The following CLDN10 variants were observed in gnomAD, a reference collection of about 807,000 sequenced individuals.
The protein encoded by CLDN10 is claudin 10.
In CLDN10, 15 loss-of-function variants were observed where a neutral mutation model predicts 22.9. The observed-to-expected ratio is 0.65, with a 90% CI of 0.44 to 1.01. The LOEUF is 1.01. Among genes scored for constraint, CLDN10 ranks in the 50% least tolerant of loss-of-function variants. The probability of loss-of-function intolerance (pLI) is 0.00; values close to 1 mark genes in which losing one functional copy is unlikely to be tolerated. For synonymous variants in CLDN10, 114 were observed against 111.4 expected, an observed-to-expected ratio of 1.02 and a Z score of -0.15; for missense variants, 247 against 287.8, an observed-to-expected ratio of 0.86 and a Z score of 1.03.
intron 1 of CLDN10, among the ~76,000 whole-genome samples, chr13:95,438,386 T>C (rs1594518009): frequency 6.6e-6 from 1 of 152,242 alleles, no homozygotes; most frequent in East Asian, 1.9e-4. Context: ...ATTACAGGCA[T>C]GGGCCATCGT....
chr13:95,548,351 G>A (rs2043531136), upstream of CLDN10, among the ~76,000 whole-genome samples: 2 of 152,166 alleles, frequency 1.3e-5, no homozygotes, highest in Admixed American at 6.5e-5. Flanking sequence ...TCAAATGAAT[G>A]CATGAAAAAC....
In CLDN10 at chr13:95,463,285, AATATATATATATATATATATATATATAT is replaced by A. The variant is rs200962205; in HGVS notation, c.214+29251_214+29278del. On this transcript the variant is annotated intron_variant, in intron 1 of 4. Transcript: ENST00000376873. ...AGTTGAGTCAAAAGTGCAAATGCTT[AATATATATATATATATATATATATATAT>A]ATATATATATATTTGCCTTTTTTTT... Among the ~76,000 whole-genome samples, 15 of 40,098 alleles carry A rather than the reference AATATATATATATATATATATATATATAT, an allele frequency of 3.7e-4. 1 individual carries two copies. Among genetic ancestry groups the A allele is most frequent in the African/African-American group, 9.9e-4 (13 of 13,184 alleles). 26.3% of individuals were successfully genotyped at this position (40,098 alleles called of 152,430 possible).
intron 1 of CLDN10, among the ~76,000 whole-genome samples, chr13:95,483,540 C>G (rs1386593617): frequency 6.6e-6 from 1 of 152,062 alleles, no homozygotes; most frequent in Non-Finnish European, 1.5e-5. Context: ...AGGTTGTATC[C>G]CCAGAAACCA....
chr13:95,505,638 G>T (rs1359169059), intron 1 of CLDN10, among the ~76,000 whole-genome samples: 2 of 152,044 alleles, frequency 1.3e-5, no homozygotes, highest in East Asian at 3.9e-4. Flanking sequence ...CAGGTAAAAT[G>T]AACTAAGGAG....
rs2042410995 is a variant in CLDN10 at position 95,449,331 on chromosome 13, A to C, written c.214+15284A>C. On this transcript the variant is annotated intron_variant, in intron 1 of 4. Transcript: ENST00000376873. ...CAGTGGCGCAACCTCGGCTCACTGC[A>C]AACTTCATCTCCCAGGTTCAAGTGA... Among the ~76,000 whole-genome samples the C allele has an allele frequency of 2.0e-5, 3 of 152,192 alleles. No individual in the cohort carries two copies. In the South Asian group the frequency reaches 6.2e-4, roughly 32 times the overall value.
intron 1 of CLDN10, among the ~76,000 whole-genome samples, chr13:95,485,033 A>C (rs2042790852): frequency 6.6e-6 from 1 of 152,088 alleles, no homozygotes; most frequent in South Asian, 2.1e-4. Context: ...ATCCAAGCCT[A>C]GACAGATGAG....
intron 1 of CLDN10, among the ~76,000 whole-genome samples, chr13:95,527,752 AAAAT>A (rs778942034): frequency 1.3e-5 from 2 of 152,162 alleles, no homozygotes; most frequent in African/African-American, 4.8e-5. Flanking sequence ...AACAACAACA[AAAAT>A]AAATAAATAA....
intron 1 of CLDN10, among the ~76,000 whole-genome samples, chr13:95,505,390 G>A (rs1363981608): frequency 6.6e-6 from 1 of 152,236 alleles, no homozygotes. Context: ...TTCCAGGGAT[G>A]TCTTACAATG....
intron 1 of CLDN10, among the ~76,000 whole-genome samples, chr13:95,487,846 A>T (rs1016273133): frequency 2.0e-5 from 3 of 150,902 alleles, no homozygotes; most frequent in African/African-American, 4.9e-5. Context: ...GGCTAATTTT[A>T]AAAAATTTTT....
At chr13:95,507,191 T>C (rs2043047066) in intron 1 of CLDN10, among the ~76,000 whole-genome samples, 1 of 152,236 alleles carries the variant, frequency 6.6e-6, no homozygotes, top group African/African-American at 2.4e-5. Context: ...GCTATTATCC[T>C]AATTTCCTAC....
At chr13:95,570,041 A>C (rs2043835140) in intron 3 of CLDN10, among the ~76,000 whole-genome samples, 1 of 152,148 alleles carries the variant, frequency 6.6e-6, no homozygotes, top group Admixed American at 6.6e-5. Context: ...CTTTTGCTGC[A>C]AGTCCATCTG....
intron 1 of CLDN10, among the ~76,000 whole-genome samples, chr13:95,502,026 T>A (rs537244543): frequency 6.6e-6 from 1 of 152,360 alleles, no homozygotes; most frequent in Non-Finnish European, 1.5e-5. Context: ...TCATAGCATC[T>A]AATATAAGAA....
chr13:95,545,419 T>G (rs1339678896), intron 1 of CLDN10, among the ~76,000 whole-genome samples: 1 of 151,954 alleles, frequency 6.6e-6, no homozygotes, highest in Non-Finnish European at 1.5e-5. Flanking sequence ...GGCACATGCC[T>G]GGTATCCCAG....
At chr13:95,519,211 T>C (rs2043200322) in intron 1 of CLDN10, among the ~76,000 whole-genome samples, 1 of 152,186 alleles carries the variant, frequency 6.6e-6, no homozygotes, top group South Asian at 2.1e-4. Context: ...CAGGTAACAG[T>C]GGCTTAAAGA....
chr13:95,488,275 G>A (rs2042827767), intron 1 of CLDN10, among the ~76,000 whole-genome samples: 1 of 150,994 alleles, frequency 6.6e-6, no homozygotes. Flanking sequence ...TGCAATTGGT[G>A]GAAGTATCCA....
chr13:95,535,516 T>C lies in CLDN10; in HGVS notation c.215-24616T>C, dbSNP rs957433015. Among the ~76,000 whole-genome samples, 3 of 145,958 alleles carry C rather than the reference T, an allele frequency of 2.1e-5. No individual in the cohort carries two copies. In the Admixed American group the frequency reaches 2.1e-4, roughly 10 times the overall value. On this transcript the variant is annotated intron_variant, in intron 1 of 4. Transcript: ENST00000376873. Reference sequence around the variant, plus strand: ...TAACTTGCTTGGCAGACTGAGTGGGTAGACAAACAAATATGGTTCATGGTT... The same window carrying C: ...TAACTTGCTTGGCAGACTGAGTGGGCAGACAAACAAATATGGTTCATGGTT...
At chr13:95,442,474 T>C (rs960055334) in intron 1 of CLDN10, among the ~76,000 whole-genome samples, 3 of 152,182 alleles carry the variant, frequency 2.0e-5, no homozygotes, top group Non-Finnish European at 4.4e-5. Flanking sequence ...GCACTTAGGA[T>C]TTGCTATTTT....
At chr13:95,481,381 G>GATCTGAATCAGT (rs2042745895) in intron 1 of CLDN10, among the ~76,000 whole-genome samples, 1 of 152,262 alleles carries the variant, frequency 6.6e-6, no homozygotes, top group East Asian at 1.9e-4. Context: ...AATTTCCTGG[G>GATCTGAATCAGT]ATCTGAATCA....
chr13:95,488,185 G>T (rs111727196), intron 1 of CLDN10, among the ~76,000 whole-genome samples: 4 of 147,050 alleles, frequency 2.7e-5, no homozygotes, highest in African/African-American at 7.6e-5. Context: ...GGGTTTTACC[G>T]TCTTAGCCAG....
Sources: allele counts gnomAD v4.1 joint callset (sites outside exome capture counted in the v4.1 genomes callset), GRCh38; gene constraint gnomAD v4.1.1; transcripts MANE v1.5; gene names NCBI Gene and HGNC (gene_info 2026-07-23, HGNC 2026-07-21).